ARL13B: variants seen among roughly 807,000 people sequenced by gnomAD.
ARL13B encodes ARF like GTPase 13B, also known as ADP-ribosylation factor-like protein 13B.
A neutral mutation model predicts 56.1 loss-of-function variants in ARL13B; 36 were observed. That is an observed-to-expected ratio of 0.64 (90% confidence interval 0.49 to 0.85). ARL13B has a LOEUF of 0.85. Ranked by LOEUF, ARL13B falls within the 40% of genes least tolerant of loss-of-function variation. ARL13B has a pLI of 0.00. For synonymous variants in ARL13B, 178 were observed against 171.1 expected, an observed-to-expected ratio of 1.04 and a Z score of -0.32; for missense variants, 519 against 507.1, an observed-to-expected ratio of 1.02 and a Z score of -0.23.
chr3:93,989,848 T>C (rs2075836339), intron 1 of ARL13B, among the ~76,000 whole-genome samples: 3 of 152,190 alleles, frequency 2.0e-5, no homozygotes, highest in South Asian at 4.1e-4. Context: ...GTAAATCTTA[T>C]AATACTACAG....
chr3:94,035,057 G>A (rs1384742967), intron 3 of ARL13B, among the ~76,000 whole-genome samples: 2 of 152,110 alleles, frequency 1.3e-5, no homozygotes, highest in South Asian at 2.1e-4. Flanking sequence ...CCAACATGGC[G>A]AAACCCAGTC....
intron 3 of ARL13B, among the ~76,000 whole-genome samples, chr3:94,010,066 G>A (rs1362301275): frequency 6.6e-6 from 1 of 152,068 alleles, no homozygotes; most frequent in Non-Finnish European, 1.5e-5. Flanking sequence ...TATACTTTGG[G>A]CTTTTTTTCC....
intron 9 of ARL13B, among the ~76,000 whole-genome samples, chr3:94,051,305 C>T (rs765802836): frequency 2.0e-4 from 30 of 152,004 alleles, no homozygotes; most frequent in Non-Finnish European, 4.0e-4. Context: ...TCTCTCTACT[C>T]CTAATAAGAC....
chr3:94,053,086 GA>G, intron 9 of ARL13B, 100 bp from the exon 10 acceptor site: 1 of 927,376 alleles, frequency 1.1e-6, no homozygotes, highest in Non-Finnish European at 1.7e-6. Context: ...TATCTCTTTG[GA>G]AATGTCTAAA....
chr3:94,029,351 T>TTTA (rs2076631252), intron 3 of ARL13B, among the ~76,000 whole-genome samples: 25 of 114,508 alleles, frequency 2.2e-4, no homozygotes, highest in Admixed American at 1.7e-3. Flanking sequence ...TTTTTTTTAT[T>TTTA]TTTTTTTTTT....
rs35756044 is a variant in ARL13B at position 93,980,726 on chromosome 3, AGTGTGT to A, written c.59+274_59+279del. ...TTAAATAGGTTTGAATTTGTTAAAA[AGTGTGT>A]GTGTGTGTGTGTGTGTGTGTGTGTG... On this transcript the variant is annotated intron_variant, in intron 1 of 9. Transcript: ENST00000394222. Among the ~76,000 whole-genome samples the A allele has an allele frequency of 5.0e-3, 729 of 147,060 alleles. 6 individuals are homozygous for A. Among genetic ancestry groups the A allele is most frequent in the African/African-American group, 0.013 (543 of 40,240 alleles).
chr3:94,024,413 G>A (rs1185880036), intron 3 of ARL13B, among the ~76,000 whole-genome samples: 2 of 152,150 alleles, frequency 1.3e-5, no homozygotes, highest in East Asian at 1.9e-4. Context: ...TAAAAATTAA[G>A]TCCTATATTT....
chr3:93,989,181 G>A (rs1331529045), intron 1 of ARL13B, among the ~76,000 whole-genome samples: 1 of 152,122 alleles, frequency 6.6e-6, no homozygotes, highest in Non-Finnish European at 1.5e-5. Flanking sequence ...TCTTTAATAT[G>A]AACTATTTTG....
chr3:93,994,747 ACT>A (rs2075936559), intron 1 of ARL13B, among the ~76,000 whole-genome samples: 1 of 149,404 alleles, frequency 6.7e-6, no homozygotes, highest in African/African-American at 2.5e-5. Flanking sequence ...ACTGCCTCAT[ACT>A]CTCACCTCTG....
rs930434425 is a variant in ARL13B at position 93,986,972 on chromosome 3, T to TA, written c.59+6499dup. The stretch of plus-strand genomic sequence containing the variant: ...GGGTGACAGAATGAGACTCCGTCTC[T>TA]AAAAAAAAAGGAATAGCTTTTATCT... On this transcript the variant is annotated intron_variant, in intron 1 of 9. Transcript: ENST00000394222. Among the ~76,000 whole-genome samples the TA allele has an allele frequency of 1.7e-3, 251 of 150,116 alleles. 2 individuals carry two copies. The highest frequency in any genetic ancestry group is 3.5e-3 in the Middle Eastern group (1 of 288).
chr3:94,017,356 A>C (rs2076354933), intron 3 of ARL13B, among the ~76,000 whole-genome samples: 1 of 152,202 alleles, frequency 6.6e-6, no homozygotes, highest in Non-Finnish European at 1.5e-5. Flanking sequence ...AAGACTTTTC[A>C]AACAAATATT....
intron 2 of ARL13B, among the ~76,000 whole-genome samples, chr3:94,002,596 A>T (rs920703190): frequency 2.6e-5 from 4 of 152,176 alleles, no homozygotes; most frequent in African/African-American, 9.7e-5. Context: ...CTCTGTAGCC[A>T]TGAGTCAGTA....
intron 1 of ARL13B, among the ~76,000 whole-genome samples, chr3:93,981,865 C>CAAAAAAAAAAAAAAAAAAA (rs11396818): frequency 2.9e-5 from 2 of 68,390 alleles, no homozygotes; most frequent in Non-Finnish European, 5.5e-5. Flanking sequence ...AACCCTGTCT[C>CAAAAAAAAAAAAAAAAAAA]AAAAAAAAAA....
Position 94,053,928 on chromosome 3 carries a change from T to C in ARL13B, c.*665T>C, listed in dbSNP as rs2077104755. On this transcript the variant is annotated 3_prime_UTR_variant, in exon 10 of 10. Coordinates refer to ENST00000394222, the MANE Select transcript of ARL13B (RefSeq NM_001174150.2). Reference sequence around the variant, plus strand: ...AATTTGACCTAATTTAAAAATAATATATTTTCGAAGTAGTAGATTCTCAGA... The same window carrying C: ...AATTTGACCTAATTTAAAAATAATACATTTTCGAAGTAGTAGATTCTCAGA... 1 of 321,150 alleles carries C rather than the reference T, an allele frequency of 3.1e-6. No homozygotes were observed. The highest frequency in any genetic ancestry group is 4.4e-5 in the Admixed American group (1 of 22,920). 19.9% of individuals were successfully genotyped at this position (321,150 alleles called of 1,614,324 possible).
intron 7 of ARL13B, 142 bp from the exon 8 acceptor site, chr3:94,049,264 G>A: frequency 1.9e-6 from 1 of 515,658 alleles, no homozygotes; most frequent in Non-Finnish European, 3.5e-6. Context: ...GTACACATTT[G>A]GTTATTGTAA....
chr3:93,980,530 T>G, intron 1 of ARL13B, 48 bp downstream of exon 1: 1 of 1,602,870 alleles, frequency 6.2e-7, no homozygotes, highest in Non-Finnish European at 8.5e-7. Context: ...TGGAGATGGC[T>G]GCGCCCCAGG....
intron 3 of ARL13B, among the ~76,000 whole-genome samples, chr3:94,005,686 C>T (rs1055138470): frequency 1.3e-5 from 2 of 152,060 alleles, no homozygotes; most frequent in African/African-American, 2.4e-5. Context: ...AATATAGAAT[C>T]GTTTGCCATT....
intron 3 of ARL13B, among the ~76,000 whole-genome samples, chr3:94,030,330 G>A (rs970897230): frequency 2.0e-5 from 3 of 151,440 alleles, no homozygotes; most frequent in Admixed American, 6.6e-5. Context: ...GGGTTCAAGC[G>A]ATTCTCATGC....
chr3:93,996,064 A>G, intron 2 of ARL13B, 120 bp downstream of exon 2: 1 of 988,600 alleles, frequency 1.0e-6, no homozygotes, highest in East Asian at 2.6e-5. Context: ...GCATTACTTT[A>G]TATTCTTAGT....
Sources: gnomAD v4.1 joint callset for allele counts (sites outside exome capture counted in the v4.1 genomes callset) on GRCh38, gnomAD v4.1.1 for gene constraint, MANE v1.5 for transcripts, NCBI Gene and HGNC (gene_info 2026-07-23, HGNC 2026-07-21) for gene names.